ACTR3: variants seen among roughly 807,000 people sequenced by gnomAD.
ACTR3 encodes actin-related protein 3.
In ACTR3, 12 loss-of-function variants were observed where a neutral mutation model predicts 56.8. The ratio of observed to expected loss-of-function variants is 0.21; its 90% confidence interval spans 0.14 to 0.34. The LOEUF is 0.34. Ranked by LOEUF, ACTR3 falls within the 10% of genes least tolerant of loss-of-function variation. The pLI is 1.00. For missense variants in ACTR3, 282 were observed against 512.5 expected, an observed-to-expected ratio of 0.55 and a Z score of 4.34; for synonymous variants, 162 against 167.4, an observed-to-expected ratio of 0.97 and a Z score of 0.25.
intron 8 of ACTR3, among the ~76,000 whole-genome samples, chr2:113,949,448 G>A (rs1347463904): frequency 6.7e-6 from 1 of 148,174 alleles, no homozygotes; most frequent in Non-Finnish European, 1.5e-5. Context: ...TACAGTTATA[G>A]ACTCAGTTTA....
chr2:113,911,419 C>CTTTT lies in ACTR3; in HGVS notation c.45-1738_45-1735dup, dbSNP rs34495665. On this transcript the variant is annotated intron_variant, in intron 1 of 11. Transcript: ENST00000263238. ...TAATGATTTACTCTTATTTGGCACA[C>CTTTT]TTTTTTTTTTTTTTTTTTGAGACGA... Among the ~76,000 whole-genome samples the CTTTT allele has an allele frequency of 2.5e-3, 296 of 117,816 alleles. 16 individuals are homozygous for CTTTT. Among genetic ancestry groups the CTTTT allele is most frequent in the African/African-American group, 8.3e-3 (243 of 29,222 alleles). The allele number at this position is 117,816 out of a possible 152,430, so 77.3% of individuals were successfully genotyped here.
intron 1 of ACTR3, among the ~76,000 whole-genome samples, chr2:113,900,611 G>T (rs1279726360): frequency 6.6e-6 from 1 of 152,158 alleles, no homozygotes; most frequent in East Asian, 1.9e-4. Flanking sequence ...TTCACTGTTA[G>T]GTCCTTTAAT....
chr2:113,890,818 G>A (rs1678879263), intron 1 of ACTR3: 3 of 992,250 alleles, frequency 3.0e-6, no homozygotes, highest in South Asian at 9.0e-5. Flanking sequence ...TTCTGCCCAG[G>A]GTGTGGGTGG....
chr2:113,950,497 G>C (rs1680101009), intron 8 of ACTR3, among the ~76,000 whole-genome samples: 1 of 152,184 alleles, frequency 6.6e-6, no homozygotes, highest in Non-Finnish European at 1.5e-5. Context: ...CTCTACACGT[G>C]CATGTCCATG....
At chr2:113,921,139 TTG>T (rs760182132) in intron 3 of ACTR3, among the ~76,000 whole-genome samples, 13 of 152,120 alleles carry the variant, frequency 8.5e-5, no homozygotes, top group Non-Finnish European at 1.9e-4. Context: ...GTGATTTTTT[TTG>T]TCTTTTGGGT....
intron 8 of ACTR3, among the ~76,000 whole-genome samples, chr2:113,942,716 TC>T (rs560559318): frequency 6.6e-6 from 1 of 151,304 alleles, no homozygotes; most frequent in South Asian, 2.1e-4. Flanking sequence ...TCTAGAAAGC[TC>T]CCCCCCTCCC....
At chr2:113,938,916 TC>T (rs779107328) in intron 6 of ACTR3, among the ~76,000 whole-genome samples, 9 of 152,206 alleles carry the variant, frequency 5.9e-5, no homozygotes, top group Non-Finnish European at 1.3e-4. Flanking sequence ...CTAGTAACTC[TC>T]CCTAGGCAGT....
intron 6 of ACTR3, among the ~76,000 whole-genome samples, chr2:113,939,338 T>C (rs1199761290): frequency 6.6e-6 from 1 of 152,234 alleles, no homozygotes; most frequent in Non-Finnish European, 1.5e-5. Context: ...CTTTATTTCT[T>C]ATAAATTGTC....
chr2:113,905,465 A>G (rs1679175550), intron 1 of ACTR3, among the ~76,000 whole-genome samples: 1 of 133,416 alleles, frequency 7.5e-6, no homozygotes. Context: ...ACTCCGTCTC[A>G]AAAAAAAAAA....
intron 1 of ACTR3, among the ~76,000 whole-genome samples, chr2:113,898,542 C>T (rs1175488576): frequency 6.6e-6 from 1 of 152,036 alleles, no homozygotes; most frequent in African/African-American, 2.4e-5. Context: ...TAGTTGAAGC[C>T]TACATCAGAA....
At chr2:113,894,907 CCTTTTCAGAA>C (rs1460837433) in intron 1 of ACTR3, among the ~76,000 whole-genome samples, 4 of 152,006 alleles carry the variant, frequency 2.6e-5, no homozygotes, top group Non-Finnish European at 5.9e-5. Flanking sequence ...CTCCTGACTG[CCTTTTCAGAA>C]CTTTATGTGT....
chr2:113,890,556 C>T (rs1202856832), intron 1 of ACTR3: 2 of 1,371,726 alleles, frequency 1.5e-6, no homozygotes, highest in Admixed American at 3.4e-5. Context: ...CCCCAACCCT[C>T]CCAGCGGCTT....
intron 1 of ACTR3, among the ~76,000 whole-genome samples, chr2:113,895,616 T>C (rs1162528757): frequency 6.6e-6 from 1 of 152,166 alleles, no homozygotes. Flanking sequence ...TGAAACCTGG[T>C]ATTGGCGGTG....
Position 113,942,246 on chromosome 2 carries a change from G to C in ACTR3, c.745G>C (p.Gly249Arg). 6.2e-7 allele frequency: 1 copy of C among 1,603,570 alleles called. No individual in the cohort carries two copies. Among genetic ancestry groups the C allele is most frequent in the South Asian group, 1.1e-5 (1 of 89,118 alleles). ...AGAATTTAACAAGTATGATACAGAT[G>C]GGTCAAAATGGATTAAACAGTATAC... Reference protein sequence around the residue: ...VKEFNKYDTDGSKWIKQYTGI... With the variant: ...VKEFNKYDTDRSKWIKQYTGI... The change falls in exon 8 of 12, where the codon GGG becomes CGG. Residue 249 changes from glycine (G) to arginine (R), a missense_variant. Physicochemically the swap from Gly to Arg is moderately radical, Grantham distance 125. Transcript: ENST00000263238.
In ACTR3 at chr2:113,955,713, G is replaced by A. The variant is rs1680197432; in HGVS notation, c.1161+7G>A. 8 of 1,594,156 alleles carry A rather than the reference G, an allele frequency of 5.0e-6. No individual in the cohort carries two copies. The highest frequency in any genetic ancestry group is 6.9e-6 in the Non-Finnish European group (8 of 1,164,768). ...ATCAATGCTGGCTTCCACGGTGAGTGTGATGAAGCTTACTTTTATTTTATT... is the reference window on the plus strand; with the variant it reads ...ATCAATGCTGGCTTCCACGGTGAGTATGATGAAGCTTACTTTTATTTTATT... On this transcript the variant is annotated splice_region_variant and intron_variant, in intron 11 of 11. Transcript: ENST00000263238.
rs751746501 is a variant in ACTR3 at position 113,939,966 on chromosome 2, G to C, written c.548G>C (p.Gly183Ala). The change falls in exon 7 of 12, where the codon GGG (glycine) becomes GCG (alanine). Residue 183 changes from glycine (G) to alanine (A), a missense_variant. Physicochemically the swap from Gly to Ala is moderately conservative, Grantham distance 60. Coordinates refer to ENST00000263238, the MANE Select transcript of ACTR3 (RefSeq NM_005721.5). ...GVTHVIPVAE[G>A]YVIGSCIKHI... ...CTTTTTTCCCCTCTCTAGGCTGAAG[G>C]GTATGTGATTGGCAGCTGTATTAAA... The C allele has an allele frequency of 6.2e-7, 1 of 1,602,410 alleles. No homozygotes were observed. The highest frequency in any genetic ancestry group is 8.5e-7 in the Non-Finnish European group (1 of 1,171,978).
In ACTR3 at chr2:113,935,941, A is replaced by C. The variant is rs117402106; in HGVS notation, c.540+1555A>C. Reference sequence around the variant, plus strand: ...CAGCATGTTGATAATTAGAATAGGTAATTTGCAGAATAGAAGTTATCAATA... The same window carrying C: ...CAGCATGTTGATAATTAGAATAGGTCATTTGCAGAATAGAAGTTATCAATA... On this transcript the variant is annotated intron_variant, in intron 6 of 11. Coordinates refer to ENST00000263238, the MANE Select transcript of ACTR3 (RefSeq NM_005721.5). Among the ~76,000 whole-genome samples, 657 of 152,220 alleles carry C rather than the reference A, an allele frequency of 4.3e-3. 10 individuals carry two copies. The highest frequency in any genetic ancestry group is 0.029 in the East Asian group (152 of 5,180).
At chr2:113,924,650 T>A (rs2104603189) in intron 3 of ACTR3, among the ~76,000 whole-genome samples, 1 of 152,326 alleles carries the variant, frequency 6.6e-6, no homozygotes, top group South Asian at 2.1e-4. Context: ...TCTACGCACC[T>A]TCAAATCTTT....
intron 8 of ACTR3, among the ~76,000 whole-genome samples, chr2:113,942,883 G>C (rs1679950399): frequency 6.6e-6 from 1 of 152,028 alleles, no homozygotes; most frequent in African/African-American, 2.4e-5. Flanking sequence ...AATTCTTCTG[G>C]TAACTTAGTA....
Sources: allele counts gnomAD v4.1 joint callset (sites outside exome capture counted in the v4.1 genomes callset), GRCh38; gene constraint gnomAD v4.1.1; transcripts MANE v1.5; gene names NCBI Gene and HGNC (gene_info 2026-07-23, HGNC 2026-07-21).